Variants in FCHSD2 observed in about 807,000 individuals in gnomAD.
FCHSD2 encodes FCH and double SH3 domains 2, also known as F-BAR and double SH3 domains protein 2.
In FCHSD2, 38 loss-of-function variants were observed where a neutral mutation model predicts 108.1. That is an observed-to-expected ratio of 0.35 (90% confidence interval 0.27 to 0.46). The LOEUF is 0.46. Among genes scored for constraint, FCHSD2 ranks in the 20% least tolerant of loss-of-function variants. The probability of loss-of-function intolerance (pLI) is 1.00; values close to 1 mark genes in which losing one functional copy is unlikely to be tolerated. For missense variants in FCHSD2, 751 were observed against 897.8 expected (o/e 0.84, Z 2.09); for synonymous variants, 279 against 314.7 (o/e 0.89, Z 1.20).
At chr11:72,893,832 T>C (rs887563915) in intron 10 of FCHSD2, among the ~76,000 whole-genome samples, 1 of 152,200 alleles carries the variant, frequency 6.6e-6, no homozygotes. Context: ...TAAATAACTT[T>C]GAAGAACTAA....
chr11:72,931,918 T>C (rs1856201327), intron 8 of FCHSD2, among the ~76,000 whole-genome samples: 1 of 152,232 alleles, frequency 6.6e-6, no homozygotes, highest in Non-Finnish European at 1.5e-5. Context: ...GTTTCATTGT[T>C]GTTGTTTTAA....
chr11:72,921,756 T>C (rs1855979298), intron 9 of FCHSD2, 72 bp downstream of exon 9: 5 of 1,300,550 alleles, frequency 3.8e-6, no homozygotes, highest in Non-Finnish European at 5.5e-6. Context: ...AGTACCTTCA[T>C]TTTCTTTGTA....
At chr11:72,927,991 A>C (rs1856110901) in intron 8 of FCHSD2, among the ~76,000 whole-genome samples, 1 of 152,238 alleles carries the variant, frequency 6.6e-6, no homozygotes, top group Non-Finnish European at 1.5e-5. Flanking sequence ...ATTTATAATT[A>C]GGGAAAGTGG....
intron 3 of FCHSD2, among the ~76,000 whole-genome samples, chr11:73,061,321 T>C (rs1338148345): frequency 6.6e-6 from 1 of 152,200 alleles, no homozygotes; most frequent in Non-Finnish European, 1.5e-5. Flanking sequence ...GACCAGGAGA[T>C]TCCCTCCAGT....
At chr11:73,127,908 C>A (rs888261268) in intron 2 of FCHSD2, among the ~76,000 whole-genome samples, 2 of 149,102 alleles carry the variant, frequency 1.3e-5, no homozygotes, top group Non-Finnish European at 3.0e-5. Context: ...CCAGCCTGGC[C>A]AACATAGTGA....
At chr11:72,850,034 T>G (rs1437634405) in intron 13 of FCHSD2, 145 bp from the exon 14 acceptor site, 11 of 543,168 alleles carry the variant, frequency 2.0e-5, no homozygotes, top group Non-Finnish European at 2.9e-5. Context: ...GCACTTACAT[T>G]TTTCATGTTA....
chr11:72,887,906 G>C (rs113219882), intron 11 of FCHSD2, among the ~76,000 whole-genome samples: 1 of 152,172 alleles, frequency 6.6e-6, no homozygotes, highest in Non-Finnish European at 1.5e-5. Flanking sequence ...CATTAAGTTT[G>C]AGGTGGTTTG....
intron 2 of FCHSD2, among the ~76,000 whole-genome samples, chr11:73,085,608 A>G (rs560086430): frequency 8.5e-5 from 13 of 152,128 alleles, no homozygotes; most frequent in Non-Finnish European, 1.8e-4. Context: ...TCACCACACA[A>G]ACCCACGGGA....
intron 6 of FCHSD2, among the ~76,000 whole-genome samples, chr11:72,988,266 T>C (rs1049539847): frequency 2.0e-5 from 3 of 152,222 alleles, no homozygotes; most frequent in African/African-American, 7.2e-5. Context: ...TTATACAACA[T>C]GCTTTTTCTC....
At chr11:72,917,088 G>A (rs1222917756) in intron 9 of FCHSD2, among the ~76,000 whole-genome samples, 1 of 150,652 alleles carries the variant, frequency 6.6e-6, no homozygotes, top group African/African-American at 2.5e-5. Context: ...GGGTTCAAGC[G>A]ATTCTCCTGC....
At chr11:72,904,553 C>G (rs1855589926) in intron 9 of FCHSD2, among the ~76,000 whole-genome samples, 1 of 152,138 alleles carries the variant, frequency 6.6e-6, no homozygotes, top group African/African-American at 2.4e-5. Context: ...TATATTGAAA[C>G]AAGTTCCAGA....
At position 72,892,904 on chromosome 11, in the gene FCHSD2, G is replaced by C. The variant is rs1045800564; in HGVS notation, c.925-2959C>G. Among the ~76,000 whole-genome samples the C allele has an allele frequency of 5.3e-4, 4 of 7,572 alleles. No individual in the cohort carries two copies. The South Asian group carries it at 0.032, about 60-fold the overall frequency. The allele number at this position is 7,572 out of a possible 152,430, so 5.0% of individuals were successfully genotyped here. A position where few individuals can be genotyped will look rare whatever the true frequency, so the allele number is the denominator to read the frequency against. On this transcript the variant is annotated intron_variant, in intron 10 of 19. Coordinates refer to ENST00000409418, the MANE Select transcript of FCHSD2 (RefSeq NM_014824.3). ...CAGGTGTGAGCCACCGTGCGTGGCT[G>C]GTAATTTTTTTTTTAAGACAGTGAT...
chr11:72,960,942 T>C (rs73534926), intron 8 of FCHSD2, among the ~76,000 whole-genome samples: 2,698 of 151,956 alleles, frequency 0.018, 77 homozygotes, highest in African/African-American at 0.063. Flanking sequence ...TACCTCTCAC[T>C]TACTATGTTT....
At chr11:73,141,832 C>T (rs756097400) in intron 1 of FCHSD2, 25 bp downstream of exon 1, 33 of 1,542,174 alleles carry the variant, frequency 2.1e-5, no homozygotes, top group Non-Finnish European at 2.6e-5. Context: ...CTCCGAACCC[C>T]AAAGCCCCCC....
chr11:73,100,512 C>T (rs988313787), intron 2 of FCHSD2, among the ~76,000 whole-genome samples: 1 of 152,014 alleles, frequency 6.6e-6, no homozygotes, highest in African/African-American at 2.4e-5. Context: ...TACAGGCATG[C>T]GCCACCACGC....
At chr11:73,075,302 GGT>G (rs1158485447) in intron 3 of FCHSD2, among the ~76,000 whole-genome samples, 1 of 152,052 alleles carries the variant, frequency 6.6e-6, no homozygotes, top group African/African-American at 2.4e-5. Context: ...CCATTCCTTA[GGT>G]AAATACCCAA....
At chr11:72,880,830 T>C (rs1478431953) in intron 12 of FCHSD2, among the ~76,000 whole-genome samples, 1 of 149,546 alleles carries the variant, frequency 6.7e-6, no homozygotes, top group Admixed American at 6.7e-5. Context: ...ACTGTGCCAC[T>C]GCACTCCAGC....
At chr11:73,086,380 C>G (rs1565403405) in intron 2 of FCHSD2, among the ~76,000 whole-genome samples, 2 of 152,028 alleles carry the variant, frequency 1.3e-5, no homozygotes, top group Non-Finnish European at 2.9e-5. Context: ...TGCACTCCAG[C>G]CTGGGAAAGA....
chr11:72,931,532 C>A (rs996851580), intron 8 of FCHSD2, among the ~76,000 whole-genome samples: 34 of 151,442 alleles, frequency 2.2e-4, no homozygotes, highest in Non-Finnish European at 3.5e-4. Context: ...TTTGGGAGGC[C>A]AAGGCAGGTG....
Sources: allele counts gnomAD v4.1 joint callset (sites outside exome capture counted in the v4.1 genomes callset), GRCh38; gene constraint gnomAD v4.1.1; transcripts MANE v1.5; gene names NCBI Gene and HGNC (gene_info 2026-07-23, HGNC 2026-07-21).